LMX1B: variants seen among roughly 807,000 people sequenced by gnomAD.
LMX1B encodes the protein LIM homeobox transcription factor 1 beta.
A neutral mutation model predicts 51.4 loss-of-function variants in LMX1B; 12 were observed. That is an observed-to-expected ratio of 0.23 (90% CI 0.15 to 0.38). The LOEUF is 0.38. Ranked by LOEUF, LMX1B falls within the 10% of genes least tolerant of loss-of-function variation. The pLI is 1.00. For missense variants in LMX1B, 445 were observed against 571.1 expected, an observed-to-expected ratio of 0.78 and a Z score of 2.25; for synonymous variants, 237 against 235.4, an observed-to-expected ratio of 1.01 and a Z score of -0.06.
rs55770306 is a variant in LMX1B, at chr9:126,625,754, C to T, written c.326+10185C>T. On this transcript the variant is annotated intron_variant, in intron 2 of 7. Transcript: ENST00000373474. The surrounding 1 kb of genome is among the most constrained non-coding windows in gnomAD (Gnocchi z 5.3). ...TCCCACCGTTTGCAGGGCTTTCCTG[C>T]GGCGCTCTGGCCGCAGAGACCCAGC... Among the ~76,000 whole-genome samples the T allele has an allele frequency of 6.6e-6, 1 of 152,110 alleles. No individual in the cohort carries two copies. Among genetic ancestry groups the T allele is most frequent in the African/African-American group, 2.4e-5 (1 of 41,444 alleles).
intron 2 of LMX1B, among the ~76,000 whole-genome samples, chr9:126,684,316 G>A (rs937234328): frequency 3.3e-5 from 5 of 152,088 alleles, no homozygotes; most frequent in African/African-American, 1.2e-4. Context: ...GCAATTACGG[G>A]GCTTCAGACA....
At chr9:126,622,542 G>C (rs1288533058) in intron 2 of LMX1B, among the ~76,000 whole-genome samples, 6 of 152,230 alleles carry the variant, frequency 3.9e-5, no homozygotes, top group Admixed American at 3.9e-4. Flanking sequence ...GCGGTGACGG[G>C]AGGGGAGGAG....
Position 126,626,843 on chromosome 9 carries a change from C to G in LMX1B, c.326+11274C>G, listed in dbSNP as rs1408290501. On this transcript the variant is annotated intron_variant, in intron 2 of 7. Coordinates refer to ENST00000373474, the MANE Select transcript of LMX1B (RefSeq NM_001174147.2). The surrounding 1 kb of genome is among the most constrained non-coding windows in gnomAD (Gnocchi z 4.3). Reference sequence around the variant, plus strand: ...TGTGACCCTGCAAGCATCAAACGGCCCGCGGGAACCGGCCGAGTTCAGAGG... The same window carrying G: ...TGTGACCCTGCAAGCATCAAACGGCGCGCGGGAACCGGCCGAGTTCAGAGG... 6.6e-6 allele frequency among the ~76,000 whole-genome samples: 1 copy of G among 152,130 alleles called. No individual in the cohort carries two copies. Among genetic ancestry groups the G allele is most frequent in the Non-Finnish European group, 1.5e-5 (1 of 68,028 alleles).
chr9:126,671,939 C>T lies in LMX1B; in HGVS notation c.327-18897C>T, dbSNP rs1245547834. 2.0e-5 allele frequency among the ~76,000 whole-genome samples: 3 copies of T among 152,364 alleles called. No homozygotes were observed. The highest frequency in any genetic ancestry group is 1.3e-4 in the Admixed American group (2 of 15,312). On this transcript the variant is annotated intron_variant, in intron 2 of 7. Coordinates refer to ENST00000373474, the MANE Select transcript of LMX1B (RefSeq NM_001174147.2). The surrounding 1 kb of genome is among the most constrained non-coding windows in gnomAD (Gnocchi z 4.4). ...CCCCCTTCTCCTGGACTGGGGCTTC[C>T]AAGTAAATTCATCTTCCTTATTAAA... is the stretch of plus-strand genomic sequence containing the variant.
rs995298653 is a variant in LMX1B, at chr9:126,617,984, C to T, written c.326+2415C>T. ...GTCGTTTCACAGGGAGATGGAGCGCCGCTCCAGGCAGGCAGCAGCCACTGG... is the reference window on the plus strand; with the variant it reads ...GTCGTTTCACAGGGAGATGGAGCGCTGCTCCAGGCAGGCAGCAGCCACTGG... On this transcript the variant is annotated intron_variant, in intron 2 of 7. Transcript: ENST00000373474. 3.3e-5 allele frequency among the ~76,000 whole-genome samples: 5 copies of T among 152,186 alleles called. No individual in the cohort carries two copies. In the Middle Eastern group the frequency reaches 0.01, roughly 311 times the overall value.
At position 126,693,800 on chromosome 9, in the gene LMX1B, C is replaced by G. The variant is rs560914000; in HGVS notation, c.874C>G (p.Arg292Gly). The change falls in exon 6 of 8, where the codon CGG (arginine) becomes GGG (glycine). Residue 292 changes from arginine (R) to glycine (G), a missense_variant. Coordinates refer to ENST00000373474, the MANE Select transcript of LMX1B (RefSeq NM_001174147.2). ...GCAGCAGGAGCAGCAGAACTCCCAG[C>G]GGCTGGGCCAGGGTGAGCCGGGGCC... ...QQQQEQQNSQ[R>G]LGQEVLSSRM... The G allele has an allele frequency of 1.4e-6, 2 of 1,385,980 alleles. No individual in the cohort carries two copies. The highest frequency in any genetic ancestry group is 2.5e-5 in the South Asian group (2 of 81,096). 85.9% of individuals were successfully genotyped at this position (1,385,980 alleles called of 1,614,324 possible). A position where few individuals can be genotyped will look rare whatever the true frequency, so the allele number is the denominator to read the frequency against.
chr9:126,693,704 G>A (rs576165073), intron 5 of LMX1B, 42 bp from the exon 6 acceptor site: 32 of 1,577,000 alleles, frequency 2.0e-5, no homozygotes, highest in African/African-American at 2.7e-5. Flanking sequence ...CTGTGCCTGG[G>A]GGCGAGGGGC....
At position 126,625,532 on chromosome 9, in the gene LMX1B, G is replaced by C. The variant is rs1195754513; in HGVS notation, c.326+9963G>C. Among the ~76,000 whole-genome samples the C allele has an allele frequency of 1.3e-5, 2 of 152,244 alleles. No individual in the cohort carries two copies. Among genetic ancestry groups the C allele is most frequent in the African/African-American group, 2.4e-5 (1 of 41,468 alleles). On this transcript the variant is annotated intron_variant, in intron 2 of 7. Transcript: ENST00000373474. The surrounding 1 kb of genome is among the most constrained non-coding windows in gnomAD (Gnocchi z 5.3). Reference sequence around the variant, plus strand: ...CCAGGCTGGGGCCCTCGGCGGGGCAGATTTCGTTGGATCCCTGGGACTAAT... The same window carrying C: ...CCAGGCTGGGGCCCTCGGCGGGGCACATTTCGTTGGATCCCTGGGACTAAT...
At chr9:126,638,887 C>T (rs1235972620) in intron 2 of LMX1B, among the ~76,000 whole-genome samples, 2 of 152,200 alleles carry the variant, frequency 1.3e-5, no homozygotes, top group African/African-American at 2.4e-5. Flanking sequence ...GGCGGAGGTG[C>T]CTAATCCTAT....
intron 2 of LMX1B, among the ~76,000 whole-genome samples, chr9:126,687,517 A>G (rs1379813944): frequency 6.6e-6 from 1 of 152,214 alleles, no homozygotes; most frequent in African/African-American, 2.4e-5. Context: ...GGCGTGAGCC[A>G]CCGCGCTGGC....
chr9:126,675,974 G>A (rs1308523071), intron 2 of LMX1B, among the ~76,000 whole-genome samples: 2 of 150,096 alleles, frequency 1.3e-5, no homozygotes, highest in African/African-American at 2.5e-5. Context: ...GCGTGAACCC[G>A]GGAGGCGGAG....
intron 2 of LMX1B, among the ~76,000 whole-genome samples, chr9:126,639,026 G>C (rs1011347709): frequency 1.4e-4 from 22 of 151,756 alleles, no homozygotes; most frequent in African/African-American, 5.1e-4. Context: ...GAGAGAGAAG[G>C]GGGAGGAGAG....
chr9:126,614,404 G>C lies in LMX1B; in HGVS notation c.-46G>C, dbSNP rs1243200872. The C allele has an allele frequency of 3.6e-6, 5 of 1,374,906 alleles. No homozygotes were observed. Among genetic ancestry groups the C allele is most frequent in the East Asian group, 6.5e-5 (2 of 30,546 alleles). 85.2% of individuals were successfully genotyped at this position (1,374,906 alleles called of 1,614,324 possible). A position where few individuals can be genotyped will look rare whatever the true frequency, so the allele number is the denominator to read the frequency against. ...GCGGAGAGCGGGTGGACGGGCCGGC[G>C]GGCGAGCAGCCCGGCCGGCGGGGTC... On this transcript the variant is annotated 5_prime_UTR_variant, in exon 1 of 8. Coordinates refer to ENST00000373474, the MANE Select transcript of LMX1B (RefSeq NM_001174147.2).
At chr9:126,624,799 A>G (rs1477554084) in intron 2 of LMX1B, among the ~76,000 whole-genome samples, 1 of 140,902 alleles carries the variant, frequency 7.1e-6, no homozygotes, top group South Asian at 2.3e-4. Flanking sequence ...AAAACCCTAA[A>G]CCCCGTTTTT....
At position 126,695,959 on chromosome 9, in the gene LMX1B, G is replaced by A. The variant is rs1015245215; in HGVS notation, c.1007G>A (p.Gly336Asp). The change falls in exon 7 of 8, where the codon GGC becomes GAC. Residue 336 changes from glycine (G) to aspartate (D), a missense_variant. Gly to Asp is a moderately conservative substitution (Grantham distance 94). Transcript: ENST00000373474. This position sits in a 1 kb window ranked among gnomAD's most constrained non-coding sequence, Gnocchi z 5.2. ...GGCAGCAGCGACCCCTTCCAGCAGG[G>A]CCTCACGCCGCCCCAAATGCCAGGT... ...PYGSSDPFQQ[G>D]LTPPQMPGDH... 16 of 1,612,702 alleles carry A rather than the reference G, an allele frequency of 9.9e-6. No individual in the cohort carries two copies. The highest frequency in any genetic ancestry group is 1.4e-5 in the Non-Finnish European group (16 of 1,179,538).
At chr9:126,619,734 AT>A (rs1835373575) in intron 2 of LMX1B, among the ~76,000 whole-genome samples, 1 of 152,124 alleles carries the variant, frequency 6.6e-6, no homozygotes, top group South Asian at 2.1e-4. Context: ...GAACGGAGGC[AT>A]TATTCACAGT....
chr9:126,639,800 T>C (rs1564151766), intron 2 of LMX1B, among the ~76,000 whole-genome samples: 1 of 152,224 alleles, frequency 6.6e-6, no homozygotes, highest in Non-Finnish European at 1.5e-5. Flanking sequence ...TTTATTTGGT[T>C]GGCCTGTCGA....
Position 126,693,108 on chromosome 9 carries a change from C to T in LMX1B, c.560-34C>T, listed in dbSNP as rs557895393. The T allele has an allele frequency of 7.1e-5, 110 of 1,546,380 alleles. 1 individual carries two copies. Among genetic ancestry groups the T allele is most frequent in the Middle Eastern group, 2.1e-4 (1 of 4,814 alleles). ...AGGCTGAGGCCTGGGCTGCCCCCGC[C>T]CCTTCATCACAGGCCGGGTTGTGTC... On this transcript the variant is annotated intron_variant, in intron 3 of 7. Coordinates refer to ENST00000373474, the MANE Select transcript of LMX1B (RefSeq NM_001174147.2).
At chr9:126,623,894 C>T (rs188773602) in intron 2 of LMX1B, among the ~76,000 whole-genome samples, 11 of 152,300 alleles carry the variant, frequency 7.2e-5, no homozygotes, top group Non-Finnish European at 1.2e-4. Flanking sequence ...GGCCTCCACC[C>T]GCGCACCCCT....
Sources: gnomAD v4.1 joint callset for allele counts (sites outside exome capture counted in the v4.1 genomes callset) on GRCh38, gnomAD v4.1.1 for gene constraint, Gnocchi (gnomAD v3.1) non-coding constraint, MANE v1.5 for transcripts, NCBI Gene and HGNC (gene_info 2026-07-23, HGNC 2026-07-21) for gene names.